The following PAPPA2 variants were observed in gnomAD, a reference collection of about 807,000 sequenced individuals.
PAPPA2 encodes the protein pappalysin 2, also known as pappalysin-2.
Under a neutral mutation model 176.4 loss-of-function variants are expected in PAPPA2, and 86 were observed. That is an observed-to-expected ratio of 0.49 (90% CI 0.41 to 0.58). PAPPA2 has a LOEUF of 0.58. Ranked by LOEUF, PAPPA2 falls within the 20% of genes least tolerant of loss-of-function variation. The pLI is 0.00. For missense variants in PAPPA2, 2,073 were observed against 2,256.9 expected (o/e 0.92, Z 1.65); for synonymous variants, 809 against 852.2 (o/e 0.95, Z 0.88).
intron 4 of PAPPA2, among the ~76,000 whole-genome samples, chr1:176,682,862 A>G (rs1019678853): frequency 2.0e-5 from 3 of 151,944 alleles, no homozygotes; most frequent in African/African-American, 7.3e-5. Flanking sequence ...GCAGAGTTTC[A>G]CCAGTCACTG....
chr1:176,633,746 G>GA (rs533749089), intron 3 of PAPPA2, among the ~76,000 whole-genome samples: 2 of 150,804 alleles, frequency 1.3e-5, no homozygotes, highest in African/African-American at 2.5e-5. Flanking sequence ...AAATTTACAA[G>GA]AAAAAAACAA....
At chr1:176,507,724 G>A (rs1253232302) in intron 1 of PAPPA2, among the ~76,000 whole-genome samples, 2 of 151,942 alleles carry the variant, frequency 1.3e-5, no homozygotes, top group Non-Finnish European at 2.9e-5. Context: ...ATAAGTGGAA[G>A]CTAAACATTG....
At chr1:176,505,847 CTGT>C (rs1429082384) in intron 1 of PAPPA2, among the ~76,000 whole-genome samples, 2 of 151,920 alleles carry the variant, frequency 1.3e-5, no homozygotes, top group Non-Finnish European at 2.9e-5. Flanking sequence ...TCTCTTGAGT[CTGT>C]TGTTGAATAC....
intron 4 of PAPPA2, among the ~76,000 whole-genome samples, chr1:176,684,333 G>A (rs542999169): frequency 1.3e-5 from 2 of 152,150 alleles, no homozygotes; most frequent in Admixed American, 6.5e-5. Flanking sequence ...TCCTGGTCTT[G>A]TTATCAGTCC....
At chr1:176,719,222 T>G (rs953280060) in intron 12 of PAPPA2, among the ~76,000 whole-genome samples, 4 of 151,932 alleles carry the variant, frequency 2.6e-5, no homozygotes, top group Non-Finnish European at 5.9e-5. Context: ...TTTTTTTTTT[T>G]GCAACATTAA....
At chr1:176,774,325 C>T (rs1023192614) in intron 17 of PAPPA2, among the ~76,000 whole-genome samples, 2 of 152,120 alleles carry the variant, frequency 1.3e-5, no homozygotes, top group African/African-American at 4.8e-5. Flanking sequence ...GGCCATAAGG[C>T]CCATAAGACC....
chr1:176,755,071 T>C (rs1663353021), intron 14 of PAPPA2, among the ~76,000 whole-genome samples: 1 of 152,130 alleles, frequency 6.6e-6, no homozygotes. Flanking sequence ...GTTGCAAGGC[T>C]CCAGTAGGCT....
chr1:176,584,448 G>A (rs1653179622), intron 2 of PAPPA2, among the ~76,000 whole-genome samples: 1 of 151,462 alleles, frequency 6.6e-6, no homozygotes, highest in African/African-American at 2.4e-5. Flanking sequence ...TTGTATGTAA[G>A]TATAGCTTCT....
At chr1:176,484,575 T>C (rs906046701) in intron 1 of PAPPA2, among the ~76,000 whole-genome samples, 1 of 152,226 alleles carries the variant, frequency 6.6e-6, no homozygotes, top group African/African-American at 2.4e-5. Flanking sequence ...GTTCAGAAAT[T>C]TCTATTGATA....
chr1:176,775,889 T>A (rs755908047), intron 17 of PAPPA2, among the ~76,000 whole-genome samples: 7 of 152,184 alleles, frequency 4.6e-5, no homozygotes, highest in Non-Finnish European at 1.0e-4. Context: ...CATGGTAGAT[T>A]TTAACACGTC....
chr1:176,512,586 C>T (rs746070041), intron 1 of PAPPA2, among the ~76,000 whole-genome samples: 12 of 152,084 alleles, frequency 7.9e-5, no homozygotes, highest in Middle Eastern at 3.4e-3. Flanking sequence ...GATCATTGGC[C>T]GTCTGAAACA....
At chr1:176,512,890 A>G (rs547316577) in intron 1 of PAPPA2, among the ~76,000 whole-genome samples, 4 of 152,304 alleles carry the variant, frequency 2.6e-5, no homozygotes, top group South Asian at 2.1e-4. Flanking sequence ...TCATAACACA[A>G]TGCTTCTGGG....
chr1:176,634,621 A>G (rs1385729851), intron 3 of PAPPA2, among the ~76,000 whole-genome samples: 1 of 151,460 alleles, frequency 6.6e-6, no homozygotes, highest in African/African-American at 2.4e-5. Context: ...AAAAAAAAAC[A>G]CTTGAACCCA....
chr1:176,766,453 T>G (rs988793995), intron 15 of PAPPA2, among the ~76,000 whole-genome samples: 1 of 152,190 alleles, frequency 6.6e-6, no homozygotes, highest in African/African-American at 2.4e-5. Context: ...GAATTAAATT[T>G]TGGCTCCACT....
intron 2 of PAPPA2, among the ~76,000 whole-genome samples, chr1:176,583,025 A>C (rs1321163507): frequency 6.6e-6 from 1 of 152,060 alleles, no homozygotes; most frequent in African/African-American, 2.4e-5. Context: ...TAGGCTTTTT[A>C]ATTTATTGAA....
chr1:176,524,228 C>G (rs149055536), intron 1 of PAPPA2, among the ~76,000 whole-genome samples: 1 of 152,126 alleles, frequency 6.6e-6, no homozygotes, highest in East Asian at 1.9e-4. Context: ...ATGTAATAAG[C>G]CATATACGCT....
In PAPPA2 at chr1:176,724,026, G is replaced by A. The variant is rs769745375; in HGVS notation, c.3798+12045G>A. On this transcript the variant is annotated intron_variant, in intron 12 of 22. Transcript: ENST00000367662. ...TCAAGAATAAAATAATAAATCTGAC[G>A]CTCACATTTATGCCTCTTGATTCTA... 8.5e-5 allele frequency among the ~76,000 whole-genome samples: 13 copies of A among 152,164 alleles called. No individual in the cohort carries two copies. In the East Asian group the frequency reaches 1.7e-3, roughly 20 times the overall value.
intron 1 of PAPPA2, among the ~76,000 whole-genome samples, chr1:176,469,293 T>G (rs977743532): frequency 2.0e-5 from 3 of 152,184 alleles, no homozygotes; most frequent in African/African-American, 7.2e-5. Flanking sequence ...GATCACTCTG[T>G]GGTACCTATT....
chr1:176,781,290 A>G (rs1664701190), intron 17 of PAPPA2, among the ~76,000 whole-genome samples: 2 of 147,762 alleles, frequency 1.4e-5, no homozygotes, highest in African/African-American at 5.0e-5. Context: ...TGGTCTACAC[A>G]CTTTTAGGAG....
Sources: allele counts gnomAD v4.1 joint callset (sites outside exome capture counted in the v4.1 genomes callset), GRCh38; gene constraint gnomAD v4.1.1; transcripts MANE v1.5; gene names NCBI Gene and HGNC (gene_info 2026-07-23, HGNC 2026-07-21).